The following EPHA1 variants were observed in gnomAD, a reference collection of about 807,000 sequenced individuals.
EPHA1 encodes the protein ephrin type-A receptor 1.
In EPHA1, 92 loss-of-function variants were observed where a neutral mutation model predicts 110.1. The observed-to-expected ratio is 0.84, with a 90% confidence interval of 0.71 to 0.99. The LOEUF (loss-of-function observed/expected upper bound fraction) is 0.99, where lower values mean the gene tolerates loss of function less well. EPHA1 is among the 50% of genes least tolerant of loss of function. The pLI, the probability that EPHA1 is intolerant of heterozygous loss-of-function variation, is 0.00. For missense variants in EPHA1, 1,204 were observed against 1,285.4 expected, an observed-to-expected ratio of 0.94 and a Z score of 0.97; for synonymous variants, 500 against 516.1, an observed-to-expected ratio of 0.97 and a Z score of 0.42.
chr7:143,393,031 C>T lies in EPHA1; in HGVS notation c.2696+640G>A, dbSNP rs962888469. 6.6e-6 allele frequency among the ~76,000 whole-genome samples: 1 copy of T among 152,176 alleles called. No homozygotes were observed. The highest frequency in any genetic ancestry group is 1.5e-5 in the Non-Finnish European group (1 of 68,022). On this transcript the variant is annotated intron_variant, in intron 16 of 17. Transcript: ENST00000275815. The surrounding 1 kb of genome is among the most constrained non-coding windows in gnomAD (Gnocchi z 5.6). ...TCCTCTTTGTGTTGACTGGTTGTCT[C>T]TCCAGCCTCATGGCTGCTATTCCTA...
At position 143,391,712 on chromosome 7, in the gene EPHA1, C is replaced by G. The variant is rs759578750; in HGVS notation, c.2760G>C (p.Glu920Asp). The G allele has an allele frequency of 2.5e-6, 4 of 1,614,084 alleles. No homozygotes were observed. The highest frequency in any genetic ancestry group is 3.3e-5 in the Admixed American group (2 of 60,026). Reference protein sequence around the residue: ...SDGIPYRTVSEWLESIRMKRY... With the variant: ...SDGIPYRTVSDWLESIRMKRY... ...GTTTCATGCGTATGGACTCGAGCCA[C>G]TCAGAGACGGTTCGATATGGGATCC... is the stretch of plus-strand genomic sequence containing the variant. The change falls in exon 17 of 18, where the codon GAG becomes GAC. Residue 920 changes from glutamate to aspartate, a missense_variant. Physicochemically the swap from Glu to Asp is conservative, Grantham distance 45 (BLOSUM62 2). Coordinates refer to ENST00000275815, the MANE Select transcript of EPHA1 (RefSeq NM_005232.5).
chr7:143,398,509 T>C (rs1478271698), intron 6 of EPHA1, 61 bp from the exon 7 acceptor site: 1 of 1,610,216 alleles, frequency 6.2e-7, no homozygotes, highest in African/African-American at 1.3e-5. Flanking sequence ...CTTAGTAACT[T>C]TTCTATGGCT....
intron 11 of EPHA1, among the ~76,000 whole-genome samples, chr7:143,396,080 C>A (rs1052136386): frequency 1.3e-5 from 2 of 152,218 alleles, no homozygotes; most frequent in African/African-American, 2.4e-5. Context: ...TCTGGACCCT[C>A]AGCACAGCAG....
rs1038171832 is a variant in EPHA1 at position 143,408,739 on chromosome 7, C to G, written c.67G>C (p.Ala23Pro). 7.5e-5 allele frequency: 75 copies of G among 993,444 alleles called. No individual in the cohort carries two copies. The highest frequency in any genetic ancestry group is 3.2e-5 in the Non-Finnish European group (25 of 772,606). 61.5% of individuals were successfully genotyped at this position (993,444 alleles called of 1,614,324 possible). A position where few individuals can be genotyped will look rare whatever the true frequency, so the allele number is the denominator to read the frequency against. The change falls in exon 1 of 18, where the codon GCG becomes CCG. Residue 23 changes from alanine to proline, a missense_variant. Coordinates refer to ENST00000275815, the MANE Select transcript of EPHA1 (RefSeq NM_005232.5). The part of the protein sequence containing the change: ...LLLCAPLPPG[A>P]RAKEVTLMDT... ...GGGTCGGTACCTTCCTTGGCGCGCG[C>G]CCCCGGGGGCAGCGGGGCGCAGAGC... is the stretch of plus-strand genomic sequence containing the variant.
rs762314592 is a variant in EPHA1 at position 143,398,830 on chromosome 7, C to T, written c.1107G>A (p.Arg369=). ...GTGCTGTGCCCTGACACTGGGAACA[C>T]CTCACACTGTATCTGACATCCTGGC... ...GGRQDVRYSV[R]CSQCQGTAQD... Residue 369 remains arginine, a synonymous_variant, in exon 6 of 18, where the codon AGG becomes AGA. Transcript: ENST00000275815. 1.9e-6 allele frequency: 3 copies of T among 1,613,506 alleles called. No homozygotes were observed. The highest frequency in any genetic ancestry group is 2.5e-6 in the Non-Finnish European group (3 of 1,179,958).
At position 143,401,615 on chromosome 7, in the gene EPHA1, G is replaced by A. The variant is rs1473168810; in HGVS notation, c.151-10C>T. 1.9e-6 allele frequency: 3 copies of A among 1,605,100 alleles called. No homozygotes were observed. The African/African-American group carries it at 4.0e-5, about 21-fold the overall frequency. Reference sequence around the variant, plus strand: ...GTTGCTGTTCACTCCACTGCAAGGAGGAAATCAGAGTCAGGGACCAGATCA... The same window carrying A: ...GTTGCTGTTCACTCCACTGCAAGGAAGAAATCAGAGTCAGGGACCAGATCA... On this transcript the variant is annotated splice_polypyrimidine_tract_variant and intron_variant, in intron 2 of 17. Transcript: ENST00000275815. The surrounding 1 kb of genome is among the most constrained non-coding windows in gnomAD (Gnocchi z 4.1).
chr7:143,402,192 C>A (rs553540015), intron 2 of EPHA1, among the ~76,000 whole-genome samples: 1 of 151,806 alleles, frequency 6.6e-6, no homozygotes, highest in African/African-American at 2.4e-5. Flanking sequence ...CCTCCCAAAG[C>A]CTGTGAGCCA....
intron 3 of EPHA1, chr7:143,400,930 G>C: frequency 4.9e-6 from 1 of 205,302 alleles, no homozygotes. Context: ...ATCTTGCTCT[G>C]TTGCCCAGGC....
At chr7:143,396,730 C>T (rs1805262180) in intron 10 of EPHA1, 2 of 545,548 alleles carry the variant, frequency 3.7e-6, no homozygotes, top group Non-Finnish European at 3.2e-6. Context: ...CCACAAGGTC[C>T]GGGGCGGTGG....
rs1260227844 is a variant in EPHA1 at position 143,394,257 on chromosome 7, C to T, written c.2439G>A (p.Gly813=). The change falls in exon 15 of 18, where the codon GGG becomes GGA. Residue 813 remains glycine (G), a synonymous_variant. Transcript: ENST00000275815. ...FTTASDVWSF[G]IVMWEVLSFG... The stretch of plus-strand genomic sequence containing the variant: ...AGCTCAGCACCTCCCACATCACAAT[C>T]CCAAAGCTCCACACATCGCTGGCTG... The T allele has an allele frequency of 1.9e-6, 3 of 1,614,042 alleles. No individual in the cohort carries two copies. The highest frequency in any genetic ancestry group is 2.5e-6 in the Non-Finnish European group (3 of 1,180,000).
Position 143,402,685 on chromosome 7 carries a change from C to T in EPHA1, c.151-1080G>A, listed in dbSNP as rs541919944. ...AGCACTAACATAGTGCTTACTGTGG[C>T]CCAGTCACCGGTTTAAGCACTTTCC... On this transcript the variant is annotated intron_variant, in intron 2 of 17. Transcript: ENST00000275815. Among the ~76,000 whole-genome samples, 3 of 152,270 alleles carry T rather than the reference C, an allele frequency of 2.0e-5. No individual in the cohort carries two copies. In the South Asian group the frequency reaches 6.2e-4, roughly 32 times the overall value.
At chr7:143,400,954 C>A in intron 3 of EPHA1, 1 of 244,926 alleles carries the variant, frequency 4.1e-6, no homozygotes, top group Non-Finnish European at 8.0e-6. Flanking sequence ...TGTACAGTGG[C>A]ACAATCATAG....
At chr7:143,398,504 T>G (rs1346026020) in intron 6 of EPHA1, 56 bp from the exon 7 acceptor site, 25 of 1,611,298 alleles carry the variant, frequency 1.6e-5, no homozygotes, top group Non-Finnish European at 2.0e-5. Context: ...ATAACCTTAG[T>G]AACTTTTCTA....
In EPHA1 at chr7:143,393,703, G is replaced by A; in HGVS notation, c.2664C>T (p.His888=). The A allele has an allele frequency of 1.9e-6, 3 of 1,613,956 alleles. No individual in the cohort carries two copies. Among genetic ancestry groups the A allele is most frequent in the Non-Finnish European group, 2.5e-6 (3 of 1,179,970 alleles). Residue 888 remains histidine, a synonymous_variant, in exon 16 of 18, where the codon CAC becomes CAT. Transcript: ENST00000275815. The surrounding 1 kb of genome is among the most constrained non-coding windows in gnomAD (Gnocchi z 5.6). The part of the protein sequence containing the change: ...AHLEQLLANP[H]SLRTIANFDP... ...CAAAGTTGGCAATGGTCCGCAGGGA[G>A]TGGGGGTTGGCAAGCAGTTGCTCCA...
Position 143,394,314 on chromosome 7 carries a change from G to A in EPHA1, c.2382C>T (p.Ala794=), listed in dbSNP as rs773911937. The A allele has an allele frequency of 1.9e-6, 3 of 1,614,100 alleles. No individual in the cohort carries two copies. The highest frequency in any genetic ancestry group is 2.5e-6 in the Non-Finnish European group (3 of 1,179,998). Residue 794 remains alanine (A), a synonymous_variant, in exon 15 of 18, where the codon GCC becomes GCT. Coordinates refer to ENST00000275815, the MANE Select transcript of EPHA1 (RefSeq NM_005232.5). Reference sequence around the variant, plus strand: ...AGATCCGATGGGCAATGGCTTCAGGGGCTGTCCAACGGATAGGGATCTTTC... The same window carrying A: ...AGATCCGATGGGCAATGGCTTCAGGAGCTGTCCAACGGATAGGGATCTTTC... The part of the protein sequence containing the change: ...QGGKIPIRWT[A]PEAIAHRIFT...
chr7:143,396,615 GT>G, intron 10 of EPHA1, 105 bp from the exon 11 acceptor site: 1 of 1,392,614 alleles, frequency 7.2e-7, no homozygotes, highest in South Asian at 1.3e-5. Context: ...ACACCTCCCT[GT>G]TTCCCAAGGT....
At chr7:143,394,439 T>A (rs2116614359) in intron 14 of EPHA1, 96 bp from the exon 15 acceptor site, 1 of 1,393,062 alleles carries the variant, frequency 7.2e-7, no homozygotes, top group Non-Finnish European at 9.5e-7. Flanking sequence ...TTATTTTTTT[T>A]GAGACAAAGT....
chr7:143,397,328 C>G lies in EPHA1; in HGVS notation c.1747G>C (p.Asp583His), dbSNP rs1229337821. 3 of 1,549,900 alleles carry G rather than the reference C, an allele frequency of 1.9e-6. No homozygotes were observed. The South Asian group carries it at 3.6e-5, about 18-fold the overall frequency. ...CCTCGATCCACATCGGTGGCGCGGT[C>G]ACGCTGCCTCTGCTGCCTCTGCCGC... ...AQRQRQQRQRDRATDVDREDK... is the reference protein window; with the variant it reads ...AQRQRQQRQRHRATDVDREDK... The change falls in exon 10 of 18, where the codon GAC becomes CAC. Residue 583 changes from aspartate (D) to histidine (H), a missense_variant. Asp to His is a moderately conservative substitution (Grantham distance 81). Coordinates refer to ENST00000275815, the MANE Select transcript of EPHA1 (RefSeq NM_005232.5).
rs895369223 is a variant in EPHA1 at position 143,398,898 on chromosome 7, G to C, written c.1039C>G (p.Gln347Glu). The C allele has an allele frequency of 1.2e-6, 2 of 1,613,140 alleles. No individual in the cohort carries two copies. The highest frequency in any genetic ancestry group is 2.7e-5 in the African/African-American group (2 of 74,894). ...RNLSFSASGT[Q>E]LSLRWEPPAD... is the part of the protein sequence containing the mutation. ...GGGGGTTCCCAACGCAGGGAGAGCTGAGTCCCTGAGGCAGAGAAGCTCAGG... is the reference window on the plus strand; with the variant it reads ...GGGGGTTCCCAACGCAGGGAGAGCTCAGTCCCTGAGGCAGAGAAGCTCAGG... Residue 347 changes from glutamine (Q) to glutamate (E), a missense_variant, in exon 6 of 18, where the codon CAG becomes GAG. Physicochemically the swap from Gln to Glu is conservative, Grantham distance 29. Coordinates refer to ENST00000275815, the MANE Select transcript of EPHA1 (RefSeq NM_005232.5).
Sources: allele counts gnomAD v4.1 joint callset (sites outside exome capture counted in the v4.1 genomes callset), GRCh38; gene constraint gnomAD v4.1.1; non-coding constraint Gnocchi (gnomAD v3.1); transcripts MANE v1.5; gene names NCBI Gene and HGNC (gene_info 2026-07-23, HGNC 2026-07-21).